Variants in MYO3B observed in about 807,000 individuals in gnomAD.
The protein encoded by MYO3B is myosin IIIB.
In MYO3B, 156 loss-of-function variants were observed where a neutral mutation model predicts 174.6. The observed-to-expected ratio is 0.89, with a 90% CI of 0.78 to 1.02. MYO3B has a LOEUF of 1.02. Among genes scored for constraint, MYO3B ranks in the 50% least tolerant of loss-of-function variants. The probability of loss-of-function intolerance (pLI) is 0.00; values close to 1 mark genes in which losing one functional copy is unlikely to be tolerated. For missense variants in MYO3B, 1,632 were observed against 1,639.4 expected, an observed-to-expected ratio of 1.00 and a Z score of 0.08; for synonymous variants, 563 against 569.1, an observed-to-expected ratio of 0.99 and a Z score of 0.15.
At chr2:170,508,273 C>A (rs1212070087) in intron 28 of MYO3B, among the ~76,000 whole-genome samples, 2 of 152,170 alleles carry the variant, frequency 1.3e-5, no homozygotes, top group Non-Finnish European at 2.9e-5. Context: ...TTTGCCACCT[C>A]AACACAGAAT....
At chr2:170,291,444 A>G (rs942131426) in intron 7 of MYO3B, among the ~76,000 whole-genome samples, 1 of 152,204 alleles carries the variant, frequency 6.6e-6, no homozygotes, top group African/African-American at 2.4e-5. Flanking sequence ...TACTAGAGTT[A>G]TGAGTGGATT....
At chr2:170,271,309 A>G (rs921608568) in intron 7 of MYO3B, among the ~76,000 whole-genome samples, 2 of 152,164 alleles carry the variant, frequency 1.3e-5, no homozygotes, top group African/African-American at 4.8e-5. Flanking sequence ...TAATACACAC[A>G]TTTCCTTCAA....
intron 25 of MYO3B, among the ~76,000 whole-genome samples, chr2:170,475,614 T>A (rs1206938686): frequency 2.0e-5 from 3 of 152,218 alleles, no homozygotes; most frequent in Non-Finnish European, 4.4e-5. Context: ...ATCTTTCAGC[T>A]GAATTTTTGC....
chr2:170,220,258 AAAAACAAAAC>A (rs66736722), intron 6 of MYO3B, among the ~76,000 whole-genome samples: 65 of 150,164 alleles, frequency 4.3e-4, no homozygotes, highest in African/African-American at 1.6e-3. Context: ...ACTCCGTCTC[AAAAACAAAAC>A]AAAACAAAAC....
At chr2:170,639,929 T>C (rs190192879) in intron 32 of MYO3B, among the ~76,000 whole-genome samples, 1 of 152,182 alleles carries the variant, frequency 6.6e-6, no homozygotes, top group Admixed American at 6.5e-5. Context: ...CTCAAGCCAT[T>C]TGATGCAGCT....
At position 170,221,229 on chromosome 2, in the gene MYO3B, G is replaced by A. The variant is rs367567186; in HGVS notation, c.603+3834G>A. Among the ~76,000 whole-genome samples, 14 of 152,090 alleles carry A rather than the reference G, an allele frequency of 9.2e-5. No homozygotes were observed. In the South Asian group the frequency reaches 2.5e-3, roughly 27 times the overall value. ...CTTTAGATTAAATACGACAATGCAC[G>A]CAATACCAATGCCAGTGGAATAAGA... On this transcript the variant is annotated intron_variant, in intron 6 of 34. Transcript: ENST00000408978.
chr2:170,524,192 C>A (rs527243688), intron 30 of MYO3B, among the ~76,000 whole-genome samples: 4 of 152,242 alleles, frequency 2.6e-5, no homozygotes, highest in Admixed American at 2.6e-4. Context: ...TCATGTAATT[C>A]TCACACCAGC....
intron 7 of MYO3B, among the ~76,000 whole-genome samples, chr2:170,273,903 T>TG (rs941216829): frequency 6.6e-5 from 10 of 151,922 alleles, no homozygotes; most frequent in South Asian, 2.1e-4. Context: ...TAAATGGCAG[T>TG]GGGGGGGCAC....
rs974370803 is a variant in MYO3B, at chr2:170,461,196, C to T, written c.2731-2172C>T. 5.3e-5 allele frequency among the ~76,000 whole-genome samples: 8 copies of T among 152,164 alleles called. No individual in the cohort carries two copies. In the East Asian group the frequency reaches 9.7e-4, roughly 18 times the overall value. ...TCTTAACAAAAAGAAGTGCTGAGGC[C>T]GGGTGAGGTGACTCACTCCTGTAAT... is the stretch of plus-strand genomic sequence containing the variant. On this transcript the variant is annotated intron_variant, in intron 23 of 34. Transcript: ENST00000408978.
chr2:170,179,676 T>C (rs906709961), intron 1 of MYO3B, among the ~76,000 whole-genome samples: 3 of 152,198 alleles, frequency 2.0e-5, no homozygotes, highest in African/African-American at 4.8e-5. Context: ...CCCCTTGATC[T>C]TGGACTTCCC....
At position 170,406,353 on chromosome 2, in the gene MYO3B, A is replaced by G. The variant is rs184734670; in HGVS notation, c.2520+720A>G. Among the ~76,000 whole-genome samples the G allele has an allele frequency of 2.4e-3, 361 of 152,280 alleles. 2 individuals carry two copies. The highest frequency in any genetic ancestry group is 8.4e-3 in the African/African-American group (350 of 41,540). On this transcript the variant is annotated intron_variant, in intron 21 of 34. Transcript: ENST00000408978. ...TTTTTGATTATTTTATTAATTTCAG[A>G]TGTATTGAAATTGTCATTCATATTC... is the stretch of plus-strand genomic sequence containing the variant.
chr2:170,535,406 G>A (rs1049447008), intron 30 of MYO3B, among the ~76,000 whole-genome samples: 9 of 152,192 alleles, frequency 5.9e-5, no homozygotes, highest in African/African-American at 2.2e-4. Context: ...TAAATAGAAG[G>A]TCAGGCCAGG....
At chr2:170,628,123 T>G (rs1696621720) in intron 32 of MYO3B, among the ~76,000 whole-genome samples, 1 of 152,222 alleles carries the variant, frequency 6.6e-6, no homozygotes, top group Non-Finnish European at 1.5e-5. Flanking sequence ...GCCTTTTGTT[T>G]GGCTATGACC....
At chr2:170,262,542 A>G (rs1188095817) in intron 7 of MYO3B, among the ~76,000 whole-genome samples, 4 of 152,212 alleles carry the variant, frequency 2.6e-5, no homozygotes, top group Admixed American at 2.6e-4. Flanking sequence ...CAAGCAAATC[A>G]GCACAGGGCA....
At position 170,199,386 on chromosome 2, in the gene MYO3B, G is replaced by C; in HGVS notation, c.181G>C (p.Val61Leu). ...SLAAVKILDP[V>L]SDMDEEIEAE... ...GGCTGCAGTGAAAATTCTGGATCCAGTCAGTGTAAGTAACAGTTGTAAATT... is the reference window on the plus strand; with the variant it reads ...GGCTGCAGTGAAAATTCTGGATCCACTCAGTGTAAGTAACAGTTGTAAATT... The change falls in exon 2 of 35, where the codon GTC (valine) becomes CTC (leucine). Residue 61 changes from valine (V) to leucine (L), a missense_variant. Val to Leu is a conservative substitution (Grantham distance 32). Transcript: ENST00000408978. 6.2e-7 allele frequency: 1 copy of C among 1,606,796 alleles called. No homozygotes were observed. Among genetic ancestry groups the C allele is most frequent in the Non-Finnish European group, 8.5e-7 (1 of 1,176,710 alleles).
At chr2:170,528,217 T>C (rs1689123899) in intron 30 of MYO3B, among the ~76,000 whole-genome samples, 1 of 152,208 alleles carries the variant, frequency 6.6e-6, no homozygotes, top group South Asian at 2.1e-4. Context: ...TTTGGGAAGA[T>C]GTTTCTGTGT....
chr2:170,547,816 A>G (rs1212942618), intron 32 of MYO3B, among the ~76,000 whole-genome samples: 1 of 152,194 alleles, frequency 6.6e-6, no homozygotes, highest in Non-Finnish European at 1.5e-5. Context: ...CAAGTAAGTC[A>G]ATTATGTGGG....
chr2:170,487,490 A>G (rs1013970736), intron 25 of MYO3B, among the ~76,000 whole-genome samples: 18 of 152,362 alleles, frequency 1.2e-4, no homozygotes, highest in South Asian at 6.2e-4. Context: ...TGAAAAACCA[A>G]TTTGATTTAC....
chr2:170,500,462 CT>C (rs1252245568), intron 27 of MYO3B, among the ~76,000 whole-genome samples: 6 of 152,134 alleles, frequency 3.9e-5, no homozygotes, highest in African/African-American at 9.7e-5. Flanking sequence ...TGAATATCTT[CT>C]GGAGGAGTTT....
Sources: allele counts gnomAD v4.1 joint callset (sites outside exome capture counted in the v4.1 genomes callset), GRCh38; gene constraint gnomAD v4.1.1; transcripts MANE v1.5; gene names NCBI Gene and HGNC (gene_info 2026-07-23, HGNC 2026-07-21).